NOL6: variants seen among roughly 807,000 people sequenced by gnomAD.
NOL6 encodes nucleolar protein 6, also known as nucleolar RNA-associated protein.
In NOL6, 33 loss-of-function variants were observed where a neutral mutation model predicts 131.7. The observed-to-expected ratio is 0.25, with a 90% CI of 0.19 to 0.33. NOL6 has a LOEUF of 0.33. Ranked by LOEUF, NOL6 falls within the 10% of genes least tolerant of loss-of-function variation. The pLI is 1.00. For missense variants in NOL6, 1,297 were observed against 1,494.5 expected, an observed-to-expected ratio of 0.87 and a Z score of 2.18; for synonymous variants, 580 against 605.7, an observed-to-expected ratio of 0.96 and a Z score of 0.62.
Position 33,468,505 on chromosome 9 carries a change from C to A in NOL6, c.1206+3G>T. 6.2e-7 allele frequency: 1 copy of A among 1,614,142 alleles called. No individual in the cohort carries two copies. Among genetic ancestry groups the A allele is most frequent in the Non-Finnish European group, 8.5e-7 (1 of 1,180,000 alleles). On this transcript the variant is annotated splice_donor_region_variant and intron_variant, in intron 9 of 25. Coordinates refer to ENST00000297990, the MANE Select transcript of NOL6 (RefSeq NM_022917.5). ...GCATAGACCTGGCCCTTCCCCAACT[C>A]ACCAAAGAGGGATCTGAGCTGAGAC...
At chr9:33,471,710 C>A (rs542767838) in intron 3 of NOL6, among the ~76,000 whole-genome samples, 1 of 152,354 alleles carries the variant, frequency 6.6e-6, no homozygotes, top group South Asian at 2.1e-4. Flanking sequence ...GTGTTTACCA[C>A]ATTCTAACAT....
chr9:33,463,390 G>T lies in NOL6; in HGVS notation c.3046C>A (p.Pro1016Thr), dbSNP rs533529372. 6.2e-7 allele frequency: 1 copy of T among 1,614,108 alleles called. No individual in the cohort carries two copies. Among genetic ancestry groups the T allele is most frequent in the Admixed American group, 1.7e-5 (1 of 60,022 alleles). Residue 1016 changes from proline to threonine, a missense_variant, in exon 24 of 26, where the codon CCT (proline) becomes ACT (threonine). Pro to Thr is a conservative substitution (Grantham distance 38, BLOSUM62 -1). Transcript: ENST00000297990. ...DIYDVLIRLSPRHIPRHRQAV... is the reference protein window; with the variant it reads ...DIYDVLIRLSTRHIPRHRQAV... ...TGGCGGTGCCGCGGGATATGGCGAG[G>T]AGACAGGCGAATCAGCACGTCGTAA...
chr9:33,469,886 A>G, intron 4 of NOL6, 126 bp downstream of exon 4: 2 of 1,115,012 alleles, frequency 1.8e-6, no homozygotes, highest in East Asian at 2.6e-5. Context: ...GATGCCTGCA[A>G]TGGTCTGCTC....
chr9:33,466,230 G>C lies in NOL6; in HGVS notation c.2210-5C>G. 1 of 1,610,328 alleles carries C rather than the reference G, an allele frequency of 6.2e-7. No individual in the cohort carries two copies. The highest frequency in any genetic ancestry group is 1.1e-5 in the South Asian group (1 of 90,820). Reference sequence around the variant, plus strand: ...TGCCCTCCAGGTGACAAACCACTGAGGAAGAAGAGTCAGAGGTCTCATACT... The same window carrying C: ...TGCCCTCCAGGTGACAAACCACTGACGAAGAAGAGTCAGAGGTCTCATACT... On this transcript the variant is annotated splice_polypyrimidine_tract_variant and splice_region_variant and intron_variant, in intron 17 of 25. Transcript: ENST00000297990.
At chr9:33,465,982 C>A (rs535227918) in intron 18 of NOL6, 85 bp from the exon 19 acceptor site, 1 of 1,569,194 alleles carries the variant, frequency 6.4e-7, no homozygotes, top group Non-Finnish European at 8.7e-7. Flanking sequence ...TATTACCCAG[C>A]GTGGTACCCA....
chr9:33,465,285 C>A lies in NOL6; in HGVS notation c.2603G>T (p.Gly868Val). Residue 868 changes from glycine to valine, a missense_variant, in exon 20 of 26, where the codon GGT becomes GTT. Gly to Val is a moderately radical substitution (Grantham distance 109). Coordinates refer to ENST00000297990, the MANE Select transcript of NOL6 (RefSeq NM_022917.5). Reference sequence around the variant, plus strand: ...CAGGCTCTCATCAGCGAAACCCTCACCAAGAAGCTGGGCACGCACCCACCG... The same window carrying A: ...CAGGCTCTCATCAGCGAAACCCTCAACAAGAAGCTGGGCACGCACCCACCG... ...AKRWVRAQLL[G>V]EGFADESLDL... 1.0e-5 allele frequency: 16 copies of A among 1,595,138 alleles called. No homozygotes were observed. Among genetic ancestry groups the A allele is most frequent in the Non-Finnish European group, 1.4e-5 (16 of 1,170,336 alleles).
In NOL6 at chr9:33,462,691, C is replaced by A; in HGVS notation, c.3414G>T (p.Glu1138Asp). 1 of 1,614,166 alleles carries A rather than the reference C, an allele frequency of 6.2e-7. No individual in the cohort carries two copies. The highest frequency in any genetic ancestry group is 8.5e-7 in the Non-Finnish European group (1 of 1,180,028). ...VLGEGLVQTV[E>D]ARSERWTV ...ACACAGTCCACCTCTCACTTCGGGC[C>A]TCCACAGTCTGCACCAGGCCTTCAC... The change falls in exon 26 of 26, where the codon GAG (glutamate) becomes GAT (aspartate). Residue 1138 changes from glutamate (E) to aspartate (D), a missense_variant. Coordinates refer to ENST00000297990, the MANE Select transcript of NOL6 (RefSeq NM_022917.5).
At chr9:33,462,959 TAC>T in intron 25 of NOL6, 72 bp downstream of exon 25, 1 of 1,541,194 alleles carries the variant, frequency 6.5e-7, no homozygotes, top group South Asian at 1.1e-5. Context: ...TAGGACAGAC[TAC>T]ACACAGACAT....
chr9:33,464,304 C>T (rs1313065536), intron 21 of NOL6, 143 bp from the exon 22 acceptor site: 35 of 1,054,084 alleles, frequency 3.3e-5, no homozygotes, highest in Admixed American at 5.9e-5. Flanking sequence ...GCAAAGGTGA[C>T]GAAAGGGACA....
At position 33,467,049 on chromosome 9, in the gene NOL6, G is replaced by C. The variant is rs1462867652; in HGVS notation, c.1875-62C>G. 2 of 1,613,248 alleles carry C rather than the reference G, an allele frequency of 1.2e-6. No individual in the cohort carries two copies. On this transcript the variant is annotated intron_variant, in intron 14 of 25. Transcript: ENST00000297990. This position sits in a 1 kb window ranked among gnomAD's most constrained non-coding sequence, Gnocchi z 4.4. ...GGCTATGTTCTCGCTCAACTGCCTG[G>C]GCCAGACCCCTGAAAAGGCTCCCCA...
Position 33,472,093 on chromosome 9 carries a change from G to A in NOL6, c.289C>T (p.Leu97=). The A allele has an allele frequency of 6.2e-7, 1 of 1,614,178 alleles. No individual in the cohort carries two copies. The highest frequency in any genetic ancestry group is 8.5e-7 in the Non-Finnish European group (1 of 1,180,026). ...ATCCGATCCTTCTTCTTCTCTGACA[G>A]CCTTACTTCCTTTAGTAGCTCCTCT... is the stretch of plus-strand genomic sequence containing the variant. ...QVEELLKEVR[L]SEKKKDRIDA... Residue 97 remains leucine, a synonymous_variant, in exon 3 of 26, where the codon CTG becomes TTG. Coordinates refer to ENST00000297990, the MANE Select transcript of NOL6 (RefSeq NM_022917.5).
rs370419880 is a variant in NOL6, at chr9:33,468,109, C to A, written c.1345G>T (p.Asp449Tyr). 4 of 1,614,052 alleles carry A rather than the reference C, an allele frequency of 2.5e-6. No individual in the cohort carries two copies. In the African/African-American group the frequency reaches 5.3e-5, roughly 22 times the overall value. ...TGGAACCCGTCGTCAGCTCTGCTGTCCAGCAACATCATAGACAGCCGTGCC... is the reference window on the plus strand; with the variant it reads ...TGGAACCCGTCGTCAGCTCTGCTGTACAGCAACATCATAGACAGCCGTGCC... ...HEARLSMMLLDSRADDGFHLL... is the reference protein window; with the variant it reads ...HEARLSMMLLYSRADDGFHLL... The change falls in exon 11 of 26, where the codon GAC (aspartate) becomes TAC (tyrosine). Residue 449 changes from aspartate (D) to tyrosine (Y), a missense_variant. Physicochemically the swap from Asp to Tyr is radical, Grantham distance 160 (BLOSUM62 -3). Transcript: ENST00000297990.
At position 33,467,321 on chromosome 9, in the gene NOL6, A is replaced by C; in HGVS notation, c.1726-59T>G. On this transcript the variant is annotated intron_variant, in intron 13 of 25. Transcript: ENST00000297990. The surrounding 1 kb of genome is among the most constrained non-coding windows in gnomAD (Gnocchi z 4.4). ...AGGAAGGGCTCTGTGGACCCTCCCC[A>C]ACAAGCTTCAGTCCAGGTGCCATGA... 1.2e-6 allele frequency: 2 copies of C among 1,610,288 alleles called. No individual in the cohort carries two copies. The highest frequency in any genetic ancestry group is 1.7e-4 in the Middle Eastern group (1 of 6,042).
chr9:33,463,172 A>G lies in NOL6; in HGVS notation c.3190-38T>C, dbSNP rs577042237. 1.2e-4 allele frequency: 197 copies of G among 1,608,922 alleles called. 2 individuals are homozygous for G. In the South Asian group the frequency reaches 2.1e-3, roughly 17 times the overall value. ...AGAACAGAGAAGATTATAGGCAGGC[A>G]TTTAAGAGCTCCTCCACAGCCTCAG... is the stretch of plus-strand genomic sequence containing the variant. On this transcript the variant is annotated intron_variant, in intron 24 of 25. Transcript: ENST00000297990.
At position 33,467,835 on chromosome 9, in the gene NOL6, G is replaced by A. The variant is rs1247922975; in HGVS notation, c.1458C>T (p.Cys486=). The change falls in exon 12 of 26, where the codon TGC becomes TGT. Residue 486 remains cysteine, a synonymous_variant. Transcript: ENST00000297990. The surrounding 1 kb of genome is among the most constrained non-coding windows in gnomAD (Gnocchi z 4.4). ...GCTCTGGCCAGAGCTTCAGCCGGTG[G>A]CACGCTGCCTGCAGGCGACTCAGTG... ...LRPLSRLQAA[C]HRLKLWPELQ... 2 of 1,598,970 alleles carry A rather than the reference G, an allele frequency of 1.3e-6. No homozygotes were observed. Among genetic ancestry groups the A allele is most frequent in the East Asian group, 4.5e-5 (2 of 44,750 alleles).
At chr9:33,465,561 A>G (rs1827216120) in intron 19 of NOL6, among the ~76,000 whole-genome samples, 173 bp downstream of exon 19, 1 of 152,212 alleles carries the variant, frequency 6.6e-6, no homozygotes, top group Non-Finnish European at 1.5e-5. Context: ...AAATCTGACC[A>G]TAGGGTCACA....
chr9:33,465,847 G>A lies in NOL6; in HGVS notation c.2415C>T (p.Ile805=), dbSNP rs769352791. ...CCTCTGGGCTCTGCACCTCCTTCAG[G>A]ATCTGGGGCTCCCGCTGATAGGCCA... is the stretch of plus-strand genomic sequence containing the variant. ...IRVAYQREPQ[I]LKEVQSPEGM... The change falls in exon 19 of 26, where the codon ATC becomes ATT. Residue 805 remains isoleucine, a synonymous_variant. Transcript: ENST00000297990. 5.0e-6 allele frequency: 8 copies of A among 1,614,094 alleles called. No homozygotes were observed. In the South Asian group the frequency reaches 8.8e-5, roughly 18 times the overall value.
In NOL6 at chr9:33,466,170, C is replaced by T; in HGVS notation, c.2265G>A (p.Gln755=). 1 of 1,613,196 alleles carries T rather than the reference C, an allele frequency of 6.2e-7. No homozygotes were observed. Residue 755 remains glutamine (Q), a synonymous_variant, in exon 18 of 26, where the codon CAG becomes CAA. Transcript: ENST00000297990. ...GQWPQDAEAV[Q]RVRAAFQLRL... is the part of the protein sequence containing the mutation. ...GCAGCTGGAAGGCAGCTCGGACCCG[C>T]TGCACGGCCTCAGCGTCCTGTGGCC...
chr9:33,468,870 G>A lies in NOL6; in HGVS notation c.1029C>T (p.Gly343=). The A allele has an allele frequency of 6.2e-7, 1 of 1,614,136 alleles. No homozygotes were observed. The highest frequency in any genetic ancestry group is 8.5e-7 in the Non-Finnish European group (1 of 1,180,010). ...VWLRQRELDK[G]QGGFTGFLVS... ...CAAGGAACCCAGTAAACCCACCCTG[G>A]CCCTGAAAGAGACAGGGAGAGGCTG... is the stretch of plus-strand genomic sequence containing the variant. Residue 343 remains glycine, a splice_region_variant and synonymous_variant, in exon 8 of 26, where the codon GGC becomes GGT. Coordinates refer to ENST00000297990, the MANE Select transcript of NOL6 (RefSeq NM_022917.5).
Sources: allele counts gnomAD v4.1 joint callset (sites outside exome capture counted in the v4.1 genomes callset), GRCh38; gene constraint gnomAD v4.1.1; non-coding constraint Gnocchi (gnomAD v3.1); transcripts MANE v1.5; gene names NCBI Gene and HGNC (gene_info 2026-07-23, HGNC 2026-07-21).